DNAJC11: variants seen among roughly 807,000 people sequenced by gnomAD.
DNAJC11 encodes the protein DnaJ heat shock protein family (Hsp40) member C11.
Under a neutral mutation model 78.6 loss-of-function variants are expected in DNAJC11, and 15 were observed. The observed-to-expected ratio is 0.19, with a 90% CI of 0.13 to 0.29. The LOEUF (loss-of-function observed/expected upper bound fraction) is 0.29. DNAJC11 is among the 10% of genes least tolerant of loss of function. The pLI, the probability that DNAJC11 is intolerant of heterozygous loss-of-function variation, is 1.00. For synonymous variants in DNAJC11, 292 were observed against 272.1 expected (o/e 1.07, Z -0.72); for missense variants, 547 against 709.6 (o/e 0.77, Z 2.60).
At chr1:6,643,970 A>G (rs1240163147) in intron 10 of DNAJC11, among the ~76,000 whole-genome samples, 1 of 151,948 alleles carries the variant, frequency 6.6e-6, no homozygotes, top group Non-Finnish European at 1.5e-5. Context: ...TCCTGGGTTC[A>G]AGCGATTCTC....
At chr1:6,638,611 TGTCA>T (rs1363300544) in intron 11 of DNAJC11, among the ~76,000 whole-genome samples, 1 of 152,246 alleles carries the variant, frequency 6.6e-6, no homozygotes, top group Non-Finnish European at 1.5e-5. Flanking sequence ...GGACACCGAC[TGTCA>T]GTCTCTTTGG....
intron 4 of DNAJC11, among the ~76,000 whole-genome samples, chr1:6,660,116 G>A (rs550051318): frequency 2.0e-5 from 3 of 147,676 alleles, no homozygotes; most frequent in Non-Finnish European, 3.0e-5. Flanking sequence ...CACTTCCTTC[G>A]CTTTATGTAC....
chr1:6,638,579 C>T (rs1252096616), intron 11 of DNAJC11, among the ~76,000 whole-genome samples: 1 of 152,212 alleles, frequency 6.6e-6, no homozygotes, highest in Non-Finnish European at 1.5e-5. Context: ...TGGCTCTGCC[C>T]CACCTCCTCA....
intron 4 of DNAJC11, among the ~76,000 whole-genome samples, chr1:6,662,121 G>GTTT (rs1185007632): frequency 2.7e-4 from 13 of 48,188 alleles, no homozygotes; most frequent in African/African-American, 6.7e-4. Flanking sequence ...CCAGTTAATT[G>GTTT]TTTTTTGTTT....
chr1:6,650,601 T>C (rs761862927), intron 7 of DNAJC11, among the ~76,000 whole-genome samples: 1 of 152,048 alleles, frequency 6.6e-6, no homozygotes, highest in African/African-American at 2.4e-5. Flanking sequence ...AGGCCAGGCG[T>C]GGTGGCTCAC....
intron 4 of DNAJC11, among the ~76,000 whole-genome samples, chr1:6,664,450 G>A (rs2148739209): frequency 6.6e-6 from 1 of 152,222 alleles, no homozygotes; most frequent in Admixed American, 6.5e-5. Context: ...GTGTTAGCCA[G>A]GATGGTCTCG....
chr1:6,662,118 ATTGTTTTTTGT>A (rs1642223306), intron 4 of DNAJC11, among the ~76,000 whole-genome samples: 1 of 131,968 alleles, frequency 7.6e-6, no homozygotes. Context: ...TGCCCAGTTA[ATTGTTTTTTGT>A]TTTTTGTTTT....
chr1:6,656,024 C>T (rs988056696), intron 4 of DNAJC11, among the ~76,000 whole-genome samples: 9 of 147,682 alleles, frequency 6.1e-5, no homozygotes, highest in African/African-American at 2.2e-4. Context: ...ATTGCTTCAA[C>T]TTGTGAGGCA....
intron 3 of DNAJC11, among the ~76,000 whole-genome samples, chr1:6,677,768 G>A (rs1642492574): frequency 6.6e-6 from 1 of 152,218 alleles, no homozygotes; most frequent in African/African-American, 2.4e-5. Context: ...CAAATTGTCT[G>A]GATTTTAGTG....
chr1:6,635,487 G>A lies in DNAJC11; in HGVS notation c.*188C>T. On this transcript the variant is annotated 3_prime_UTR_variant, in exon 16 of 16. Coordinates refer to ENST00000377577, the MANE Select transcript of DNAJC11 (RefSeq NM_018198.4). ...TCTGGTTCCCAGTGGGGCTGCCTCA[G>A]TCCTACCCCCAGCACCCTCAAAAGC... 1 of 632,050 alleles carries A rather than the reference G, an allele frequency of 1.6e-6. No individual in the cohort carries two copies. Among genetic ancestry groups the A allele is most frequent in the Non-Finnish European group, 2.7e-6 (1 of 367,724 alleles). 39.2% of individuals were successfully genotyped at this position (632,050 alleles called of 1,614,324 possible). A position where few individuals can be genotyped will look rare whatever the true frequency, so the allele number is the denominator to read the frequency against.
chr1:6,638,946 T>A (rs1360666306), intron 11 of DNAJC11, among the ~76,000 whole-genome samples: 1 of 152,242 alleles, frequency 6.6e-6, no homozygotes, highest in Non-Finnish European at 1.5e-5. Context: ...GGCCAGCACA[T>A]GTCTTGTTCT....
intron 7 of DNAJC11, among the ~76,000 whole-genome samples, chr1:6,646,828 C>T (rs1433516318): frequency 1.3e-5 from 2 of 152,118 alleles, no homozygotes; most frequent in Admixed American, 1.3e-4. Context: ...TTCTTTCTCT[C>T]CTTTCTAAGC....
At chr1:6,659,237 C>T (rs1012031394) in intron 4 of DNAJC11, among the ~76,000 whole-genome samples, 1 of 142,924 alleles carries the variant, frequency 7.0e-6, no homozygotes, top group African/African-American at 3.1e-5. Flanking sequence ...ATGTCTTCAA[C>T]TCCTACTAAT....
Position 6,640,069 on chromosome 1 carries a change from TAC to T in DNAJC11, c.1098-14_1098-13del. The T allele has an allele frequency of 9.2e-5, 79 of 862,664 alleles. No individual in the cohort carries two copies. Among genetic ancestry groups the T allele is most frequent in the South Asian group, 2.7e-4 (7 of 26,034 alleles). The allele number at this position is 862,664 out of a possible 1,614,324, so 53.4% of individuals were successfully genotyped here. ...TGGCCCTGTTGAGCCTGGGGAAAAA[TAC>T]AAAAAAAAAAAAAAAAAAGCCAAGA... On this transcript the variant is annotated splice_polypyrimidine_tract_variant and intron_variant, in intron 10 of 15. Transcript: ENST00000377577.
At chr1:6,656,795 G>A (rs1415004689) in intron 4 of DNAJC11, among the ~76,000 whole-genome samples, 9 of 151,506 alleles carry the variant, frequency 5.9e-5, no homozygotes, top group Non-Finnish European at 1.0e-4. Flanking sequence ...AGTCACCTAG[G>A]AGACTGGGAG....
intron 7 of DNAJC11, among the ~76,000 whole-genome samples, chr1:6,646,794 G>C (rs1641973028): frequency 6.6e-6 from 1 of 152,040 alleles, no homozygotes; most frequent in Admixed American, 6.6e-5. Flanking sequence ...CTTTAATAAA[G>C]AGCTCCACAT....
chr1:6,656,956 TA>T (rs1642136192), intron 4 of DNAJC11, among the ~76,000 whole-genome samples: 1 of 151,950 alleles, frequency 6.6e-6, no homozygotes, highest in Non-Finnish European at 1.5e-5. Context: ...GCAACTTTCA[TA>T]AAGATGGTAG....
chr1:6,641,062 A>C (rs1641867502), intron 10 of DNAJC11, among the ~76,000 whole-genome samples: 1 of 152,046 alleles, frequency 6.6e-6, no homozygotes, highest in African/African-American at 2.4e-5. Flanking sequence ...GCTCTTCCAG[A>C]ATAAAAGCAA....
intron 3 of DNAJC11, among the ~76,000 whole-genome samples, chr1:6,672,480 A>G (rs1642395348): frequency 6.6e-6 from 1 of 152,230 alleles, no homozygotes. Flanking sequence ...ACATTCTGTG[A>G]TGAATTACGA....
Sources: gnomAD v4.1 joint callset for allele counts (sites outside exome capture counted in the v4.1 genomes callset) on GRCh38, gnomAD v4.1.1 for gene constraint, MANE v1.5 for transcripts, NCBI Gene and HGNC (gene_info 2026-07-23, HGNC 2026-07-21) for gene names.